SPECC1: variants seen among roughly 807,000 people sequenced by gnomAD.
SPECC1 encodes cytospin-B.
SPECC1 carries 62 observed loss-of-function variants against 104.1 expected under a neutral mutation model. The observed-to-expected ratio is 0.60, with a 90% CI of 0.49 to 0.74. The LOEUF is 0.74. Among genes scored for constraint, SPECC1 ranks in the 30% least tolerant of loss-of-function variants. The probability of loss-of-function intolerance (pLI) is 0.00; values close to 1 mark genes in which losing one functional copy is unlikely to be tolerated. For synonymous variants in SPECC1, 513 were observed against 501.6 expected, an observed-to-expected ratio of 1.02 and a Z score of -0.30; for missense variants, 1,306 against 1,310.5, an observed-to-expected ratio of 1.00 and a Z score of 0.05.
chr17:20,140,219 C>T (rs1031556005), intron 3 of SPECC1, among the ~76,000 whole-genome samples: 30 of 152,198 alleles, frequency 2.0e-4, no homozygotes, highest in African/African-American at 7.2e-4. Flanking sequence ...CACATTTGTT[C>T]ACTCATCTTT....
intron 12 of SPECC1, among the ~76,000 whole-genome samples, chr17:20,280,438 C>G (rs1470272371): frequency 6.6e-6 from 1 of 152,214 alleles, no homozygotes; most frequent in Non-Finnish European, 1.5e-5. Flanking sequence ...CATCCAGTCC[C>G]TTGGTCTCTA....
chr17:20,240,021 G>A (rs1598065525), intron 7 of SPECC1, among the ~76,000 whole-genome samples: 1 of 135,122 alleles, frequency 7.4e-6, no homozygotes, highest in Non-Finnish European at 1.6e-5. Context: ...AGCCTCCTGA[G>A]TAGCTGGGAC....
At chr17:20,177,772 C>T (rs562302435) in intron 3 of SPECC1, among the ~76,000 whole-genome samples, 66 of 152,246 alleles carry the variant, frequency 4.3e-4, no homozygotes, top group Admixed American at 1.3e-4. Flanking sequence ...TGCAGTGGCG[C>T]GATCTCGGCT....
In SPECC1 at chr17:20,247,155, G is replaced by A. The variant is rs565744755; in HGVS notation, c.2498-64G>A. On this transcript the variant is annotated intron_variant, in intron 8 of 14. Transcript: ENST00000395527. ...ACCAAAAAAAGTAACAAGAAATCAG[G>A]AACAAGTATATGCTATTTTGAAGTG... The A allele has an allele frequency of 3.8e-6, 5 of 1,299,712 alleles. No individual in the cohort carries two copies. In the East Asian group the frequency reaches 1.2e-4, roughly 31 times the overall value. 80.5% of individuals were successfully genotyped at this position (1,299,712 alleles called of 1,614,324 possible).
At chr17:20,099,496 A>G (rs986194216) in intron 2 of SPECC1, among the ~76,000 whole-genome samples, 1 of 141,480 alleles carries the variant, frequency 7.1e-6, no homozygotes, top group African/African-American at 2.7e-5. Context: ...AACATGGTGA[A>G]ATCCTGTCTT....
rs146708525 is a variant in SPECC1 at position 20,257,580 on chromosome 17, G to A, written c.2810G>A (p.Arg937Gln). Reference sequence around the variant, plus strand: ...ACAAGACTGCTGAGTGCTTCCACCCGGGCATGGAAACCACAAAGCAAACTC... The same window carrying A: ...ACAAGACTGCTGAGTGCTTCCACCCAGGCATGGAAACCACAAAGCAAACTC... ...GDTRLLSAST[R>Q]AWKPQSKLSV... Residue 937 changes from arginine to glutamine, a missense_variant, in exon 11 of 15, where the codon CGG becomes CAG. Around this residue, in one of 2 missense-constraint regions of SPECC1, gnomAD observed 129 missense variants for 170.6 expected, o/e 0.76. Transcript: ENST00000395527. 23 of 1,612,378 alleles carry A rather than the reference G, an allele frequency of 1.4e-5. No individual in the cohort carries two copies. The highest frequency in any genetic ancestry group is 1.1e-4 in the African/African-American group (8 of 74,690).
intron 3 of SPECC1, among the ~76,000 whole-genome samples, chr17:20,157,707 G>A (rs1292173203): frequency 1.3e-5 from 2 of 152,148 alleles, no homozygotes; most frequent in African/African-American, 4.8e-5. Flanking sequence ...ACTTTTTAAA[G>A]CACTGTGATG....
chr17:20,076,885 A>G (rs866913909), intron 1 of SPECC1, among the ~76,000 whole-genome samples: 1 of 151,882 alleles, frequency 6.6e-6, no homozygotes, highest in Non-Finnish European at 1.5e-5. Flanking sequence ...CAGGGAAAAA[A>G]GAGTAAGAAA....
intron 4 of SPECC1, among the ~76,000 whole-genome samples, chr17:20,219,923 C>T (rs545972658): frequency 2.1e-4 from 32 of 152,130 alleles, no homozygotes; most frequent in Admixed American, 5.2e-4. Flanking sequence ...GCACCATTTA[C>T]TGAAGAGACT....
chr17:20,070,821 GT>G (rs199953670), intron 1 of SPECC1, among the ~76,000 whole-genome samples: 16,550 of 151,830 alleles, frequency 0.11, 904 homozygotes, highest in Non-Finnish European at 0.13. Flanking sequence ...GTTGTTTATA[GT>G]GGGGTTTTTT....
At chr17:20,272,239 CT>C (rs1221051474) in intron 12 of SPECC1, among the ~76,000 whole-genome samples, 13 of 151,964 alleles carry the variant, frequency 8.6e-5, no homozygotes, top group African/African-American at 3.1e-4. Context: ...TTATCATATT[CT>C]TTTTTTCCCC....
At chr17:20,210,289 G>A (rs1404748626) in intron 4 of SPECC1, among the ~76,000 whole-genome samples, 1 of 152,184 alleles carries the variant, frequency 6.6e-6, no homozygotes, top group Admixed American at 6.5e-5. Flanking sequence ...TCCTGTCAGC[G>A]GCTTGAGCCA....
intron 3 of SPECC1, among the ~76,000 whole-genome samples, chr17:20,192,353 C>A (rs536782067): frequency 6.6e-6 from 1 of 152,176 alleles, no homozygotes; most frequent in East Asian, 1.9e-4. Flanking sequence ...GTCTTTTGCA[C>A]ATATTTTCTC....
In SPECC1 at chr17:20,204,799, G is replaced by A; in HGVS notation, c.750G>A (p.Leu250=). The change falls in exon 4 of 15, where the codon CTG becomes CTA. Residue 250 remains leucine (L), a synonymous_variant. Coordinates refer to ENST00000395527, the MANE Select transcript of SPECC1 (RefSeq NM_001243439.2). ...ATCTAGAGGAAGAAAACCGGGTCCT[G>A]AAGGAGAAACTGATCTATCTTGAGC... ...LSDLEEENRV[L]KEKLIYLEHS... 6.2e-7 allele frequency: 1 copy of A among 1,614,096 alleles called. No homozygotes were observed. Among genetic ancestry groups the A allele is most frequent in the Non-Finnish European group, 8.5e-7 (1 of 1,180,036 alleles).
intron 13 of SPECC1, among the ~76,000 whole-genome samples, chr17:20,297,981 C>G (rs1410199989): frequency 6.6e-6 from 1 of 152,188 alleles, no homozygotes; most frequent in Non-Finnish European, 1.5e-5. Context: ...TCTAAGAGCC[C>G]AGAGAGAAAC....
chr17:20,029,221 T>C (rs1406680670), intron 1 of SPECC1, among the ~76,000 whole-genome samples: 1 of 152,236 alleles, frequency 6.6e-6, no homozygotes, highest in African/African-American at 2.4e-5. Flanking sequence ...AGTATAAGTT[T>C]TGCACTTACT....
intron 3 of SPECC1, among the ~76,000 whole-genome samples, chr17:20,180,770 A>G (rs1389832669): frequency 6.6e-6 from 1 of 152,236 alleles, no homozygotes; most frequent in Non-Finnish European, 1.5e-5. Flanking sequence ...CCTTTGAAAC[A>G]AAAAAGCAAA....
At chr17:20,158,926 G>GTT (rs150116530) in intron 3 of SPECC1, among the ~76,000 whole-genome samples, 1 of 147,796 alleles carries the variant, frequency 6.8e-6, no homozygotes, top group Non-Finnish European at 1.5e-5. Flanking sequence ...TTTTTGTTTT[G>GTT]TTTTTTTTTG....
intron 13 of SPECC1, among the ~76,000 whole-genome samples, chr17:20,302,137 A>T (rs2041607786): frequency 6.6e-6 from 1 of 152,242 alleles, no homozygotes; most frequent in African/African-American, 2.4e-5. Context: ...AAATGAATGA[A>T]GTGTGACCCT....
Sources: gnomAD v4.1 joint callset for allele counts (sites outside exome capture counted in the v4.1 genomes callset) on GRCh38, gnomAD v4.1.1 for gene constraint, gnomAD v4.1.1 regional missense constraint, MANE v1.5 for transcripts, NCBI Gene and HGNC (gene_info 2026-07-23, HGNC 2026-07-21) for gene names.